GXYLT2: variants seen among roughly 807,000 people sequenced by gnomAD.
GXYLT2 encodes glycosyltransferase 8 domain containing 4.
A neutral mutation model predicts 45.8 loss-of-function variants in GXYLT2; 53 were observed. The ratio of observed to expected loss-of-function variants is 1.16; its 90% CI spans 0.93 to 1.46. The LOEUF is 1.46. Among genes scored for constraint, GXYLT2 ranks in the 40% most tolerant of loss-of-function variants. The pLI, the probability that GXYLT2 is intolerant of heterozygous loss-of-function variation, is 0.00. For synonymous variants in GXYLT2, 219 were observed against 214.2 expected (o/e 1.02, Z -0.19); for missense variants, 551 against 544.4 (o/e 1.01, Z -0.12).
rs56323434 is a variant in GXYLT2 at position 72,949,502 on chromosome 3, C to CT, written c.601-5568dup. ...TATGTATCATTCTTTCTTTCTTTTT[C>CT]TTTTTTTTTTTTTTTTTTTTTTTTT... On this transcript the variant is annotated intron_variant, in intron 3 of 6. Coordinates refer to ENST00000389617, the MANE Select transcript of GXYLT2 (RefSeq NM_001080393.2). Among the ~76,000 whole-genome samples the CT allele has an allele frequency of 6.6e-3, 481 of 72,628 alleles. 30 individuals carry two copies. The highest frequency in any genetic ancestry group is 0.021 in the African/African-American group (333 of 16,178). The allele number at this position is 72,628 out of a possible 152,430, so 47.6% of individuals were successfully genotyped here. A position where few individuals can be genotyped will look rare whatever the true frequency, so the allele number is the denominator to read the frequency against.
chr3:72,912,011 A>ATTTTTTTTTT (rs1235800748), intron 2 of GXYLT2, among the ~76,000 whole-genome samples: 12 of 115,564 alleles, frequency 1.0e-4, no homozygotes, highest in African/African-American at 5.3e-4. Context: ...ATATATATAT[A>ATTTTTTTTTT]TATTTTTTTT....
intron 1 of GXYLT2, among the ~76,000 whole-genome samples, chr3:72,903,931 G>A (rs1709454296): frequency 6.6e-6 from 1 of 152,048 alleles, no homozygotes; most frequent in Non-Finnish European, 1.5e-5. Context: ...CTAAGATTAG[G>A]GTCAGATGCA....
At chr3:72,925,317 C>T (rs909791914) in intron 3 of GXYLT2, among the ~76,000 whole-genome samples, 4 of 151,810 alleles carry the variant, frequency 2.6e-5, no homozygotes, top group African/African-American at 7.3e-5. Flanking sequence ...CACCATGCCC[C>T]GCTAATTTTT....
intron 6 of GXYLT2, among the ~76,000 whole-genome samples, chr3:72,969,478 A>G (rs868383448): frequency 8.6e-5 from 13 of 152,032 alleles, no homozygotes; most frequent in African/African-American, 2.9e-4. Flanking sequence ...ATTGGGAACC[A>G]GTGACACCTA....
intron 1 of GXYLT2, among the ~76,000 whole-genome samples, chr3:72,906,909 G>A (rs1404972204): frequency 2.6e-5 from 4 of 152,146 alleles, no homozygotes; most frequent in South Asian, 2.1e-4. Flanking sequence ...TGGGGACAGC[G>A]GGGAGCCCTT....
At chr3:72,916,802 G>A (rs992269384) in intron 2 of GXYLT2, among the ~76,000 whole-genome samples, 1 of 151,538 alleles carries the variant, frequency 6.6e-6, no homozygotes, top group Non-Finnish European at 1.5e-5. Context: ...GATTACAGAT[G>A]TGAGCCACCT....
chr3:72,975,108 G>A lies in GXYLT2; in HGVS notation c.1281G>A (p.Arg427=). ...FLKQIEKTMK[R]AYEKHVIIHV... Reference sequence around the variant, plus strand: ...AGCAAATTGAGAAAACAATGAAAAGGGCTTATGAGAAACACGTCATCATCC... The same window carrying A: ...AGCAAATTGAGAAAACAATGAAAAGAGCTTATGAGAAACACGTCATCATCC... Residue 427 remains arginine, a synonymous_variant, in exon 7 of 7, where the codon AGG becomes AGA. Transcript: ENST00000389617. 1.9e-6 allele frequency: 3 copies of A among 1,613,660 alleles called. No individual in the cohort carries two copies. The highest frequency in any genetic ancestry group is 2.5e-6 in the Non-Finnish European group (3 of 1,179,736).
Position 72,908,500 on chromosome 3 carries a change from A to G in GXYLT2, c.409A>G (p.Arg137Gly), listed in dbSNP as rs200389624. 3 of 1,613,986 alleles carry G rather than the reference A, an allele frequency of 1.9e-6. No individual in the cohort carries two copies. Among genetic ancestry groups the G allele is most frequent in the Admixed American group, 3.3e-5 (2 of 60,010 alleles). The change falls in exon 2 of 7, where the codon AGG becomes GGG. Residue 137 changes from arginine to glycine, a missense_variant. Coordinates refer to ENST00000389617, the MANE Select transcript of GXYLT2 (RefSeq NM_001080393.2). Reference protein sequence around the residue: ...MLKSAVLFSHRKIQFHIFTED... With the variant: ...MLKSAVLFSHGKIQFHIFTED... ...CAAATCAGCTGTGCTTTTTAGCCAC[A>G]GGAAGATCCAATTCCACATCTTCAC...
At chr3:72,967,238 G>A (rs1710882444) in intron 5 of GXYLT2, among the ~76,000 whole-genome samples, 1 of 152,210 alleles carries the variant, frequency 6.6e-6, no homozygotes, top group South Asian at 2.1e-4. Flanking sequence ...ATGGATTTCA[G>A]TGGTTTTGAG....
chr3:72,968,074 A>G (rs144562241), intron 6 of GXYLT2, among the ~76,000 whole-genome samples: 17 of 152,120 alleles, frequency 1.1e-4, no homozygotes, highest in Non-Finnish European at 2.4e-4. Context: ...CCTGGGTTCA[A>G]GTGATTTTCC....
At chr3:72,901,288 CAAAA>C (rs35141445) in intron 1 of GXYLT2, among the ~76,000 whole-genome samples, 1 of 96,474 alleles carries the variant, frequency 1.0e-5, no homozygotes, top group Non-Finnish European at 2.1e-5. Flanking sequence ...GACTCTGTCT[CAAAA>C]AAAAAAAAAA....
chr3:72,916,696 C>A (rs952234748), intron 2 of GXYLT2, among the ~76,000 whole-genome samples: 1 of 151,858 alleles, frequency 6.6e-6, no homozygotes, highest in Non-Finnish European at 1.5e-5. Flanking sequence ...TGCACTACCA[C>A]ACCCAGCTAA....
intron 3 of GXYLT2, among the ~76,000 whole-genome samples, chr3:72,939,272 C>T (rs1424601050): frequency 6.6e-6 from 1 of 151,978 alleles, no homozygotes; most frequent in Non-Finnish European, 1.5e-5. Flanking sequence ...CATGGTGAAA[C>T]CCTGTCTCTA....
intron 3 of GXYLT2, among the ~76,000 whole-genome samples, chr3:72,935,481 C>T (rs1208849239): frequency 6.6e-6 from 1 of 152,098 alleles, no homozygotes; most frequent in Non-Finnish European, 1.5e-5. Context: ...AACAAGCAGA[C>T]ATAAATTCCC....
At chr3:72,892,871 G>T (rs1279071136) in intron 1 of GXYLT2, among the ~76,000 whole-genome samples, 6 of 152,112 alleles carry the variant, frequency 3.9e-5, no homozygotes, top group Non-Finnish European at 8.8e-5. Flanking sequence ...ATTGGTCCAT[G>T]AATCCCCTCG....
intron 1 of GXYLT2, among the ~76,000 whole-genome samples, chr3:72,898,804 T>C (rs1345528417): frequency 6.6e-6 from 1 of 152,022 alleles, no homozygotes; most frequent in Non-Finnish European, 1.5e-5. Context: ...CGATCTCAGC[T>C]CACTGCAACC....
At chr3:72,967,523 A>G (rs1710889396) in intron 5 of GXYLT2, 24 bp from the exon 6 acceptor site, 1 of 1,600,710 alleles carries the variant, frequency 6.2e-7, no homozygotes, top group East Asian at 2.2e-5. Flanking sequence ...GTGGACATAT[A>G]TGTCTTTCTC....
At chr3:72,904,277 G>C (rs1278900167) in intron 1 of GXYLT2, among the ~76,000 whole-genome samples, 2 of 152,240 alleles carry the variant, frequency 1.3e-5, no homozygotes, top group Non-Finnish European at 2.9e-5. Flanking sequence ...TCACAATCTT[G>C]ATTGACATTT....
intron 3 of GXYLT2, chr3:72,929,021 C>T (rs1433088360): frequency 2.8e-6 from 4 of 1,410,164 alleles, no homozygotes; most frequent in Non-Finnish European, 3.9e-6. Flanking sequence ...CAGCCACCGC[C>T]GCCTCTCCTT....
Sources: gnomAD v4.1 joint callset for allele counts (sites outside exome capture counted in the v4.1 genomes callset) on GRCh38, gnomAD v4.1.1 for gene constraint, MANE v1.5 for transcripts, NCBI Gene and HGNC (gene_info 2026-07-23, HGNC 2026-07-21) for gene names.